ZNF282: variants seen among roughly 807,000 people sequenced by gnomAD.
ZNF282 encodes HTLV-I U5 repressive element-binding protein 1.
Under a neutral mutation model 61.9 loss-of-function variants are expected in ZNF282, and 30 were observed. The observed-to-expected ratio is 0.48, with a 90% confidence interval of 0.36 to 0.66. The LOEUF is 0.66. ZNF282 is among the 30% of genes least tolerant of loss of function. The probability of loss-of-function intolerance (pLI) is 0.00; values close to 1 mark genes in which losing one functional copy is unlikely to be tolerated. For missense variants in ZNF282, 788 were observed against 941.4 expected (o/e 0.84, Z 2.13); for synonymous variants, 396 against 405.0 (o/e 0.98, Z 0.27).
chr7:149,214,673 A>T (rs1287742291), intron 7 of ZNF282, among the ~76,000 whole-genome samples: 1 of 152,114 alleles, frequency 6.6e-6, no homozygotes, highest in Non-Finnish European at 1.5e-5. Flanking sequence ...GTCTACAAAA[A>T]AATTAACAAA....
intron 7 of ZNF282, among the ~76,000 whole-genome samples, chr7:149,215,223 GA>G (rs1796145153): frequency 1.1e-5 from 1 of 88,686 alleles, no homozygotes; most frequent in African/African-American, 3.8e-5. Flanking sequence ...TTTTTTTTGA[GA>G]CAGAGTCTCA....
At chr7:149,209,020 CAAA>C (rs58064988) in intron 4 of ZNF282, among the ~76,000 whole-genome samples, 2 of 61,728 alleles carry the variant, frequency 3.2e-5, no homozygotes, top group African/African-American at 5.7e-5. Flanking sequence ...GACTTCATCT[CAAA>C]AAAAAAAAAA....
intron 2 of ZNF282, 40 bp from the exon 3 acceptor site, chr7:149,206,656 A>G (rs1461416148): frequency 6.2e-7 from 1 of 1,611,226 alleles, no homozygotes. Flanking sequence ...GGTGGGGAGG[A>G]ACAGGCAGGA....
rs151021246 is a variant in ZNF282, at chr7:149,218,768, C to T, written c.1180+4954C>T. Among the ~76,000 whole-genome samples the T allele has an allele frequency of 6.5e-3, 989 of 151,830 alleles. 8 individuals carry two copies. Among genetic ancestry groups the T allele is most frequent in the African/African-American group, 0.022 (925 of 41,256 alleles). ...CTACAAATTCTGGGCTTCCCATCAC[C>T]CCGTCATAATTTGCTAGAATGACTC... On this transcript the variant is annotated intron_variant, in intron 7 of 7. Coordinates refer to ENST00000610704, the MANE Select transcript of ZNF282 (RefSeq NM_003575.4).
chr7:149,198,459 C>T lies in ZNF282; in HGVS notation c.292C>T (p.Leu98Phe), dbSNP rs1563173939. ...CCAGTTGCCCACAGCAGAGATCTCACTCTGGACTGTGGTGGCTGCCATTCA... is the reference window on the plus strand; with the variant it reads ...CCAGTTGCCCACAGCAGAGATCTCATTCTGGACTGTGGTGGCTGCCATTCA... The part of the protein sequence containing the change: ...EPQLPTAEIS[L>F]WTVVAAIQAV... The change falls in exon 2 of 8, where the codon CTC becomes TTC. Residue 98 changes from leucine (L) to phenylalanine (F), a missense_variant. Physicochemically the swap from Leu to Phe is conservative, Grantham distance 22. This residue lies in a region of ZNF282 where 137 missense variants were observed against 135.4 expected (regional missense o/e 1.01). Transcript: ENST00000610704. The surrounding 1 kb of genome is among the most constrained non-coding windows in gnomAD (Gnocchi z 4.3). 1 of 1,614,218 alleles carries T rather than the reference C, an allele frequency of 6.2e-7. No individual in the cohort carries two copies. Among genetic ancestry groups the T allele is most frequent in the East Asian group, 2.2e-5 (1 of 44,882 alleles).
chr7:149,208,982 C>G (rs1796039379), intron 4 of ZNF282, among the ~76,000 whole-genome samples: 1 of 123,648 alleles, frequency 8.1e-6, no homozygotes, highest in African/African-American at 2.9e-5. Context: ...GATTGTGTCA[C>G]CGCACTCCAG....
intron 7 of ZNF282, among the ~76,000 whole-genome samples, chr7:149,214,552 G>A (rs1355978623): frequency 6.6e-6 from 1 of 152,146 alleles, no homozygotes; most frequent in African/African-American, 2.4e-5. Context: ...TAGCCAGGCT[G>A]CACACGGTGG....
In ZNF282 at chr7:149,223,858, G is replaced by A; in HGVS notation, c.1227G>A (p.Gln409=). The change falls in exon 8 of 8, where the codon CAG becomes CAA. Residue 409 remains glutamine, a synonymous_variant. Transcript: ENST00000610704. The part of the protein sequence containing the change: ...MVKNPPPAPP[Q]PQPQPQPPQP... ...AGAACCCACCCCCGGCCCCGCCACA[G>A]CCCCAGCCCCAGCCCCAGCCACCGC... 1 of 1,439,668 alleles carries A rather than the reference G, an allele frequency of 6.9e-7. No individual in the cohort carries two copies. Among genetic ancestry groups the A allele is most frequent in the South Asian group, 1.4e-5 (1 of 73,412 alleles). The allele number at this position is 1,439,668 out of a possible 1,614,324, so 89.2% of individuals were successfully genotyped here.
At chr7:149,216,363 G>A (rs1563179838) in intron 7 of ZNF282, among the ~76,000 whole-genome samples, 1 of 152,174 alleles carries the variant, frequency 6.6e-6, no homozygotes, top group Non-Finnish European at 1.5e-5. Flanking sequence ...GCCTCCCAAA[G>A]CTCTGGGATT....
At chr7:149,216,919 T>C (rs557923505) in intron 7 of ZNF282, among the ~76,000 whole-genome samples, 19 of 152,308 alleles carry the variant, frequency 1.2e-4, no homozygotes, top group Non-Finnish European at 2.1e-4. Context: ...AGCATGTTAG[T>C]GTAAGACAAG....
At chr7:149,197,816 G>C (rs778323108) in intron 1 of ZNF282, among the ~76,000 whole-genome samples, 1 of 152,208 alleles carries the variant, frequency 6.6e-6, no homozygotes, top group Non-Finnish European at 1.5e-5. Flanking sequence ...GCCCCAGCTG[G>C]CAGTGCAGGG....
At chr7:149,197,976 C>T (rs1795844869) in intron 1 of ZNF282, among the ~76,000 whole-genome samples, 1 of 152,248 alleles carries the variant, frequency 6.6e-6, no homozygotes, top group African/African-American at 2.4e-5. Context: ...ACATAAAACA[C>T]TAGGCAAATA....
intron 7 of ZNF282, among the ~76,000 whole-genome samples, chr7:149,220,754 C>G (rs1052859768): frequency 6.6e-6 from 1 of 152,050 alleles, no homozygotes; most frequent in Non-Finnish European, 1.5e-5. Flanking sequence ...GAATCACTTA[C>G]CAGCCAGTGA....
At chr7:149,207,809 G>C (rs1796020939) in intron 4 of ZNF282, among the ~76,000 whole-genome samples, 1 of 152,236 alleles carries the variant, frequency 6.6e-6, no homozygotes, top group Non-Finnish European at 1.5e-5. Context: ...GAGGGAAAAA[G>C]GAGTCTGCGG....
chr7:149,223,467 A>C (rs1796292830), intron 7 of ZNF282, among the ~76,000 whole-genome samples: 1 of 152,128 alleles, frequency 6.6e-6, no homozygotes. Flanking sequence ...ACAAACAAAA[A>C]ACATTGTCCA....
Position 149,224,646 on chromosome 7 carries a change from AGGGCT to A in ZNF282, c.*8_*12del. On this transcript the variant is annotated stop_retained_variant and 3_prime_UTR_variant, in exon 8 of 8. Coordinates refer to ENST00000610704, the MANE Select transcript of ZNF282 (RefSeq NM_003575.4). ...CTCCCGCCGCCTCCTGAGCGAGACT[AGGGCT>A]GGGCTGGGGGAGGGCAGGGCCGGAC... The A allele has an allele frequency of 6.6e-7, 1 of 1,510,316 alleles. No individual in the cohort carries two copies. The highest frequency in any genetic ancestry group is 8.8e-7 in the Non-Finnish European group (1 of 1,132,684). 93.6% of individuals were successfully genotyped at this position (1,510,316 alleles called of 1,614,324 possible). A position where few individuals can be genotyped will look rare whatever the true frequency, so the allele number is the denominator to read the frequency against.
chr7:149,198,776 G>C lies in ZNF282; in HGVS notation c.585+24G>C, dbSNP rs1231726294. ...AGGTATGTGGTGGTCCCTGGGGCAG[G>C]GATAGAGGTGAGGAACAGCACAGGT... On this transcript the variant is annotated intron_variant, in intron 2 of 7. Coordinates refer to ENST00000610704, the MANE Select transcript of ZNF282 (RefSeq NM_003575.4). The surrounding 1 kb of genome is among the most constrained non-coding windows in gnomAD (Gnocchi z 4.3). 6.3e-7 allele frequency: 1 copy of C among 1,597,242 alleles called. No individual in the cohort carries two copies. Among genetic ancestry groups the C allele is most frequent in the South Asian group, 1.1e-5 (1 of 89,536 alleles).
chr7:149,204,383 A>G (rs941836846), intron 2 of ZNF282, among the ~76,000 whole-genome samples: 4 of 152,156 alleles, frequency 2.6e-5, no homozygotes, highest in Non-Finnish European at 5.9e-5. Flanking sequence ...TGAAGAGGAA[A>G]AAACAGAATG....
chr7:149,220,924 T>TTTTGG (rs1554471498), intron 7 of ZNF282, among the ~76,000 whole-genome samples: 1 of 85,882 alleles, frequency 1.2e-5, no homozygotes, highest in Non-Finnish European at 2.7e-5. Context: ...AGGGTTTTTT[T>TTTTGG]TTTTTTTTTT....
Sources: gnomAD v4.1 joint callset for allele counts (sites outside exome capture counted in the v4.1 genomes callset) on GRCh38, gnomAD v4.1.1 for gene constraint, gnomAD v4.1.1 regional missense constraint, Gnocchi (gnomAD v3.1) non-coding constraint, MANE v1.5 for transcripts, NCBI Gene and HGNC (gene_info 2026-07-23, HGNC 2026-07-21) for gene names.